Variants in GALNT13 observed in about 807,000 individuals in gnomAD.
GALNT13 encodes polypeptide N-acetylgalactosaminyltransferase 13, also known as UDP-GalNAc:polypeptide N-acetylgalactosaminyltransferase 13.
In GALNT13, 28 loss-of-function variants were observed where a neutral mutation model predicts 64.2. The observed-to-expected ratio is 0.44, with a 90% CI of 0.32 to 0.60. The LOEUF (loss-of-function observed/expected upper bound fraction) is 0.60, where lower values mean the gene tolerates loss of function less well. GALNT13 is among the 20% of genes least tolerant of loss of function. GALNT13 has a pLI of 0.05. For missense variants in GALNT13, 577 were observed against 669.8 expected (o/e 0.86, Z 1.53); for synonymous variants, 214 against 224.6 (o/e 0.95, Z 0.42).
At chr2:153,608,041 C>A in the GALNT13 span, among the ~76,000 whole-genome samples, 2 of 152,018 alleles carry the variant, frequency 1.3e-5, no homozygotes, top group Non-Finnish European at 2.9e-5. Flanking sequence ...CCAAAACTGG[C>A]CACTGGAAGG....
chr2:153,719,876 G>A, the GALNT13 span, among the ~76,000 whole-genome samples: 2 of 151,676 alleles, frequency 1.3e-5, no homozygotes, highest in Admixed American at 6.6e-5. Context: ...CGGCAGCGAG[G>A]CTGGGGGAGG....
chr2:153,370,814 T>C, the GALNT13 span: 103,095 of 153,860 alleles, frequency 0.67, 35,503 homozygotes, highest in Non-Finnish European at 0.74. Context: ...GAAGCTTGAC[T>C]ACTATGCCAT....
chr2:153,100,913 C>T, the GALNT13 span, among the ~76,000 whole-genome samples: 15 of 152,042 alleles, frequency 9.9e-5, no homozygotes, highest in African/African-American at 3.1e-4. Context: ...CCTGAAATCC[C>T]GCCTACTTGG....
intron 10 of GALNT13, among the ~76,000 whole-genome samples, chr2:154,400,121 G>T (rs752694663): frequency 2.0e-5 from 3 of 152,144 alleles, no homozygotes; most frequent in Non-Finnish European, 4.4e-5. Flanking sequence ...TTTTGATAAT[G>T]AGTTAGAGTT....
intron 2 of GALNT13, among the ~76,000 whole-genome samples, chr2:153,920,738 C>T (rs1689699804): frequency 6.6e-6 from 1 of 152,048 alleles, no homozygotes; most frequent in Non-Finnish European, 1.5e-5. Context: ...ATGCATCGAA[C>T]AAAGGTCAAA....
chr2:154,166,686 A>C (rs946678950), intron 4 of GALNT13, among the ~76,000 whole-genome samples: 146 of 152,242 alleles, frequency 9.6e-4, no homozygotes, highest in Admixed American at 4.6e-3. Context: ...ACATATGTTT[A>C]TTGTGGCACT....
chr2:153,153,311 G>A, the GALNT13 span, among the ~76,000 whole-genome samples: 7 of 151,912 alleles, frequency 4.6e-5, no homozygotes, highest in Admixed American at 4.6e-4. Flanking sequence ...ACTTTGTTGG[G>A]TGCCATAGTT....
chr2:153,946,029 G>A (rs959237315), intron 3 of GALNT13, among the ~76,000 whole-genome samples: 1 of 152,070 alleles, frequency 6.6e-6, no homozygotes, highest in Non-Finnish European at 1.5e-5. Flanking sequence ...CCATGTTTTT[G>A]ACAAATGAAC....
intron 9 of GALNT13, among the ~76,000 whole-genome samples, chr2:154,394,077 C>CAA (rs369267777): frequency 0.52 from 16,651 of 31,824 alleles, 6,616 homozygotes; most frequent in Non-Finnish European, 0.63. Flanking sequence ...GACTCCGTCT[C>CAA]AAAAAAAAAA....
intron 3 of GALNT13, among the ~76,000 whole-genome samples, chr2:154,021,122 A>G (rs1307755741): frequency 6.6e-6 from 1 of 152,168 alleles, no homozygotes; most frequent in Non-Finnish European, 1.5e-5. Context: ...TATAGTTTGA[A>G]GTCAGGTAGC....
the GALNT13 span, among the ~76,000 whole-genome samples, chr2:153,181,790 T>G: frequency 2.1e-5 from 3 of 145,824 alleles, no homozygotes; most frequent in Non-Finnish European, 4.5e-5. Flanking sequence ...TATATTTATA[T>G]TATATAAATA....
the GALNT13 span, among the ~76,000 whole-genome samples, chr2:153,362,789 A>G: frequency 6.6e-6 from 1 of 152,156 alleles, no homozygotes; most frequent in Non-Finnish European, 1.5e-5. Context: ...TAATAGTGGG[A>G]GACTTTAACA....
the GALNT13 span, among the ~76,000 whole-genome samples, chr2:153,225,934 A>G: frequency 6.6e-6 from 1 of 152,038 alleles, no homozygotes; most frequent in Non-Finnish European, 1.5e-5. Flanking sequence ...ATGTTCCAGC[A>G]AGCAATTTTT....
At chr2:154,245,543 A>T (rs1689734469) in intron 6 of GALNT13, among the ~76,000 whole-genome samples, 1 of 152,164 alleles carries the variant, frequency 6.6e-6, no homozygotes, top group Non-Finnish European at 1.5e-5. Flanking sequence ...TTTTATAAAA[A>T]ATAGACCCTG....
At chr2:153,388,573 T>C in the GALNT13 span, among the ~76,000 whole-genome samples, 2 of 152,214 alleles carry the variant, frequency 1.3e-5, no homozygotes, top group African/African-American at 4.8e-5. Flanking sequence ...AGCAACCTAC[T>C]AAAAAGGATT....
chr2:154,447,399 T>G (rs1312163230), intron 12 of GALNT13, among the ~76,000 whole-genome samples: 1 of 151,970 alleles, frequency 6.6e-6, no homozygotes, highest in African/African-American at 2.4e-5. Context: ...ATCTCTCACT[T>G]TTACGATTTG....
the GALNT13 span, among the ~76,000 whole-genome samples, chr2:153,237,709 T>C: frequency 6.6e-6 from 1 of 152,010 alleles, no homozygotes; most frequent in Non-Finnish European, 1.5e-5. Flanking sequence ...ATATGTACCA[T>C]ATTTTCTTTA....
At chr2:154,115,220 G>T (rs922749741) in intron 3 of GALNT13, among the ~76,000 whole-genome samples, 2 of 152,126 alleles carry the variant, frequency 1.3e-5, no homozygotes, top group Non-Finnish European at 2.9e-5. Flanking sequence ...AGCTCACTCA[G>T]TGTGGGACAT....
the GALNT13 span, among the ~76,000 whole-genome samples, chr2:153,469,828 T>A: frequency 6.6e-6 from 1 of 151,998 alleles, no homozygotes; most frequent in Non-Finnish European, 1.5e-5. Flanking sequence ...AAAATCAATA[T>A]TTAAACTTAG....
Sources: allele counts gnomAD v4.1 joint callset (sites outside exome capture counted in the v4.1 genomes callset), GRCh38; gene constraint gnomAD v4.1.1; transcripts MANE v1.5; gene names NCBI Gene and HGNC (gene_info 2026-07-23, HGNC 2026-07-21).